KLHL1: variants seen among roughly 807,000 people sequenced by gnomAD.
KLHL1 encodes the protein kelch-like protein 1.
A neutral mutation model predicts 77.7 loss-of-function variants in KLHL1; 47 were observed. That is an observed-to-expected ratio of 0.60 (90% CI 0.48 to 0.77). KLHL1 has a LOEUF of 0.77. Ranked by LOEUF, KLHL1 falls within the 30% of genes least tolerant of loss-of-function variation. The pLI is 0.00. For synonymous variants in KLHL1, 360 were observed against 325.2 expected, an observed-to-expected ratio of 1.11 and a Z score of -1.15; for missense variants, 925 against 910.8, an observed-to-expected ratio of 1.02 and a Z score of -0.20.
intron 6 of KLHL1, among the ~76,000 whole-genome samples, chr13:69,801,069 G>A (rs1877355823): frequency 6.6e-6 from 1 of 152,134 alleles, no homozygotes; most frequent in Admixed American, 6.5e-5. Flanking sequence ...ACTACCTAAA[G>A]CCCTCGATGG....
chr13:69,796,083 C>T (rs1370274039), intron 7 of KLHL1, among the ~76,000 whole-genome samples: 1 of 152,140 alleles, frequency 6.6e-6, no homozygotes, highest in Non-Finnish European at 1.5e-5. Context: ...TTGAGGACAG[C>T]TTGAGGTCTA....
intron 3 of KLHL1, among the ~76,000 whole-genome samples, chr13:69,951,045 A>G (rs1299440590): frequency 6.6e-6 from 1 of 151,600 alleles, no homozygotes; most frequent in African/African-American, 2.4e-5. Context: ...TATGGTGAGG[A>G]AAATGTTTGC....
chr13:69,975,881 C>G (rs545271712), intron 1 of KLHL1, 79 bp from the exon 2 acceptor site: 6 of 1,410,644 alleles, frequency 4.3e-6, no homozygotes, highest in Non-Finnish European at 5.5e-6. Flanking sequence ...GAATAACATA[C>G]AGGTTTTTAT....
At chr13:69,742,992 T>A (rs977307588) in intron 7 of KLHL1, among the ~76,000 whole-genome samples, 6 of 152,146 alleles carry the variant, frequency 3.9e-5, no homozygotes, top group Admixed American at 2.0e-4. Flanking sequence ...GAGACTAAAG[T>A]GAAAACATCA....
At chr13:70,003,238 T>C (rs1277553977) in intron 1 of KLHL1, among the ~76,000 whole-genome samples, 3 of 151,738 alleles carry the variant, frequency 2.0e-5, no homozygotes, top group African/African-American at 7.2e-5. Context: ...TATTCAAGCT[T>C]TTCCTTGAAA....
intron 3 of KLHL1, among the ~76,000 whole-genome samples, chr13:69,946,835 C>A (rs1883541299): frequency 6.6e-6 from 1 of 151,946 alleles, no homozygotes; most frequent in Non-Finnish European, 1.5e-5. Flanking sequence ...TGAATGTTTG[C>A]AATATATAAA....
chr13:69,910,006 G>A (rs1882182662), intron 4 of KLHL1, among the ~76,000 whole-genome samples: 1 of 151,874 alleles, frequency 6.6e-6, no homozygotes. Context: ...TTTTTCAGTA[G>A]AAAAAAATAA....
chr13:69,795,784 G>T (rs1282445704), intron 7 of KLHL1, among the ~76,000 whole-genome samples: 1 of 152,134 alleles, frequency 6.6e-6, no homozygotes, highest in African/African-American at 2.4e-5. Flanking sequence ...GTTCTCTCTA[G>T]TTCCTGGTTA....
rs532492970 is a variant in KLHL1 at position 69,940,192 on chromosome 13, C to T, written c.862G>A (p.Ala288Thr). 37 of 1,612,262 alleles carry T rather than the reference C, an allele frequency of 2.3e-5. No individual in the cohort carries two copies. The highest frequency in any genetic ancestry group is 2.7e-5 in the Non-Finnish European group (32 of 1,179,420). Residue 288 changes from alanine (A) to threonine (T), a missense_variant, in exon 4 of 11, where the codon GCA becomes ACA. Coordinates refer to ENST00000377844, the MANE Select transcript of KLHL1 (RefSeq NM_020866.3). The part of the protein sequence containing the change: ...KEDTIENLLA[A>T]ACLLQLPQVV... ...TGTGGAAGCTGAAGAAGGCACGCTG[C>T]AGCAAGAAGGTTCTCAATGGTGTCC...
chr13:70,080,950 C>G lies in KLHL1; in HGVS notation c.497+26253G>C, dbSNP rs930005466. On this transcript the variant is annotated intron_variant, in intron 1 of 10. Coordinates refer to ENST00000377844, the MANE Select transcript of KLHL1 (RefSeq NM_020866.3). ...CATATTATCCTTTGGAATATAGCAG[C>G]TTAAATTCCTTTAAATCCAGCTTGA... is the stretch of plus-strand genomic sequence containing the variant. Among the ~76,000 whole-genome samples, 4 of 152,310 alleles carry G rather than the reference C, an allele frequency of 2.6e-5. No individual in the cohort carries two copies. In the South Asian group the frequency reaches 6.2e-4, roughly 24 times the overall value.
intron 4 of KLHL1, among the ~76,000 whole-genome samples, chr13:69,934,976 A>ATATG (rs1164705757): frequency 7.4e-6 from 1 of 134,960 alleles, no homozygotes; most frequent in African/African-American, 3.1e-5. Flanking sequence ...ATATATATAT[A>ATATG]TATATATATA....
At chr13:69,967,409 C>T (rs1884244436) in intron 2 of KLHL1, among the ~76,000 whole-genome samples, 1 of 152,080 alleles carries the variant, frequency 6.6e-6, no homozygotes, top group Non-Finnish European at 1.5e-5. Flanking sequence ...TAACCTCTAA[C>T]CAAAGAATTA....
At chr13:69,790,168 C>T (rs1890046) in intron 7 of KLHL1, among the ~76,000 whole-genome samples, 16,166 of 152,144 alleles carry the variant, frequency 0.11, 969 homozygotes, top group African/African-American at 0.15. Flanking sequence ...TAAAAGCAAC[C>T]TCTTATAGTG....
At position 70,046,850 on chromosome 13, in the gene KLHL1, C is replaced by A. The variant is rs1023671082; in HGVS notation, c.497+60353G>T. On this transcript the variant is annotated intron_variant, in intron 1 of 10. Coordinates refer to ENST00000377844, the MANE Select transcript of KLHL1 (RefSeq NM_020866.3). ...TACCTTACCCCACCAAGTACCGAAG[C>A]TGCAATCAGGACCCTCTTCCTCTCT... is the stretch of plus-strand genomic sequence containing the variant. 5.9e-5 allele frequency among the ~76,000 whole-genome samples: 9 copies of A among 152,128 alleles called. No individual in the cohort carries two copies. The East Asian group carries it at 1.5e-3, about 26-fold the overall frequency.
intron 4 of KLHL1, among the ~76,000 whole-genome samples, chr13:69,935,882 T>C (rs888298644): frequency 1.3e-5 from 2 of 152,200 alleles, no homozygotes; most frequent in Admixed American, 6.5e-5. Context: ...TACAAGATAC[T>C]AGACACTTTG....
intron 1 of KLHL1, among the ~76,000 whole-genome samples, chr13:69,981,587 C>A (rs1884709574): frequency 6.6e-6 from 1 of 151,782 alleles, no homozygotes; most frequent in Admixed American, 6.6e-5. Flanking sequence ...GTATTTCAGG[C>A]AATGTATATG....
rs546679647 is a variant in KLHL1, at chr13:70,013,146, A to G, written c.498-37344T>C. Among the ~76,000 whole-genome samples the G allele has an allele frequency of 9.3e-4, 142 of 152,314 alleles. 1 individual carries two copies. Among genetic ancestry groups the G allele is most frequent in the Admixed American group, 3.1e-3 (48 of 15,300 alleles). ...TCTGGCACTCTATTTATTTAGAAGGAAATGAATAGAAACTCACATGATAAA... is the reference window on the plus strand; with the variant it reads ...TCTGGCACTCTATTTATTTAGAAGGGAATGAATAGAAACTCACATGATAAA... On this transcript the variant is annotated intron_variant, in intron 1 of 10. Transcript: ENST00000377844.
intron 1 of KLHL1, among the ~76,000 whole-genome samples, chr13:70,063,175 T>G (rs2137408028): frequency 6.6e-6 from 1 of 152,260 alleles, no homozygotes; most frequent in African/African-American, 2.4e-5. Flanking sequence ...CCAGCTCTGA[T>G]TACTTCTCTA....
intron 5 of KLHL1, among the ~76,000 whole-genome samples, chr13:69,846,528 G>T (rs2138123399): frequency 6.6e-6 from 1 of 151,474 alleles, no homozygotes; most frequent in Admixed American, 6.6e-5. Context: ...TTTCCCTTCA[G>T]TTACCTGTTT....
Sources: allele counts gnomAD v4.1 joint callset (sites outside exome capture counted in the v4.1 genomes callset), GRCh38; gene constraint gnomAD v4.1.1; transcripts MANE v1.5; gene names NCBI Gene and HGNC (gene_info 2026-07-23, HGNC 2026-07-21).